Variants in KCNIP1 observed in about 807,000 individuals in gnomAD.
KCNIP1 encodes potassium voltage-gated channel interacting protein 1, also known as A-type potassium channel modulatory protein KCNIP1.
In KCNIP1, 18 loss-of-function variants were observed where a neutral mutation model predicts 33.0. The ratio of observed to expected loss-of-function variants is 0.55; its 90% CI spans 0.38 to 0.81. The LOEUF (loss-of-function observed/expected upper bound fraction) is 0.81. Among genes scored for constraint, KCNIP1 ranks in the 30% least tolerant of loss-of-function variants. The probability of loss-of-function intolerance (pLI) is 0.00; values close to 1 mark genes in which losing one functional copy is unlikely to be tolerated. For synonymous variants in KCNIP1, 93 were observed against 98.3 expected (o/e 0.95, Z 0.32); for missense variants, 238 against 271.6 (o/e 0.88, Z 0.87).
chr5:170,580,474 A>C (rs148309791), intron 1 of KCNIP1, among the ~76,000 whole-genome samples: 8 of 152,316 alleles, frequency 5.3e-5, no homozygotes, highest in Non-Finnish European at 1.2e-4. Flanking sequence ...AAGGTCATGC[A>C]GAGTTGAGGC....
chr5:170,370,226 G>A (rs761474920), intron 1 of KCNIP1, among the ~76,000 whole-genome samples: 4 of 152,118 alleles, frequency 2.6e-5, no homozygotes, highest in Non-Finnish European at 4.4e-5. Flanking sequence ...CTGAATTATC[G>A]GTTGAAGGAG....
intron 1 of KCNIP1, among the ~76,000 whole-genome samples, chr5:170,635,562 A>AC: frequency 6.6e-6 from 1 of 152,250 alleles, no homozygotes; most frequent in Non-Finnish European, 1.5e-5. Context: ...CTGTATACTA[A>AC]CCCTAGAGTT....
At chr5:170,438,773 T>C (rs530039050) in intron 1 of KCNIP1, among the ~76,000 whole-genome samples, 2 of 152,214 alleles carry the variant, frequency 1.3e-5, no homozygotes, top group East Asian at 1.9e-4. Context: ...CTTCGACATG[T>C]TTCTTCCTCC....
At chr5:170,612,668 T>C (rs770149200) in intron 1 of KCNIP1, among the ~76,000 whole-genome samples, 1 of 152,206 alleles carries the variant, frequency 6.6e-6, no homozygotes, top group East Asian at 1.9e-4. Context: ...CCCGTTGTCA[T>C]GGTGGCAGGA....
chr5:170,398,977 G>A (rs1413275160), intron 1 of KCNIP1, among the ~76,000 whole-genome samples: 4 of 152,168 alleles, frequency 2.6e-5, no homozygotes, highest in African/African-American at 7.2e-5. Flanking sequence ...AGAGGACAGC[G>A]AAAGAAGCAA....
intron 1 of KCNIP1, among the ~76,000 whole-genome samples, chr5:170,693,211 T>C (rs1762779509): frequency 1.3e-5 from 2 of 151,770 alleles, no homozygotes; most frequent in Non-Finnish European, 2.9e-5. Context: ...TCAGTGTTCT[T>C]TGTCCTCTGC....
At chr5:170,560,888 A>C (rs1581326607) in intron 1 of KCNIP1, among the ~76,000 whole-genome samples, 33 of 141,748 alleles carry the variant, frequency 2.3e-4, no homozygotes, top group South Asian at 4.8e-4. Flanking sequence ...CTCCTCTCCC[A>C]CTCCTTCCTC....
intron 1 of KCNIP1, among the ~76,000 whole-genome samples, chr5:170,537,701 G>A (rs1482769490): frequency 6.6e-6 from 1 of 152,236 alleles, no homozygotes; most frequent in African/African-American, 2.4e-5. Flanking sequence ...GAGGGTTATA[G>A]GGCATGGCTC....
intron 1 of KCNIP1, among the ~76,000 whole-genome samples, chr5:170,461,409 T>G (rs756608693): frequency 1.3e-5 from 2 of 152,126 alleles, no homozygotes; most frequent in Non-Finnish European, 2.9e-5. Flanking sequence ...GATTTCAAAC[T>G]ATACTATAAG....
At chr5:170,682,095 A>C (rs543105759) in intron 1 of KCNIP1, among the ~76,000 whole-genome samples, 3 of 152,388 alleles carry the variant, frequency 2.0e-5, no homozygotes, top group African/African-American at 7.2e-5. Flanking sequence ...CATAATAATG[A>C]AATGCATTTG....
chr5:170,402,991 C>T (rs314141), intron 1 of KCNIP1, among the ~76,000 whole-genome samples: 114,388 of 152,172 alleles, frequency 0.75, 44,162 homozygotes, highest in African/African-American at 0.94. Context: ...CCCTCGTTCA[C>T]GTACGCCTGT....
At chr5:170,505,229 C>T (rs1389328905) in intron 1 of KCNIP1, among the ~76,000 whole-genome samples, 1 of 152,144 alleles carries the variant, frequency 6.6e-6, no homozygotes, top group Non-Finnish European at 1.5e-5. Flanking sequence ...GAGCTTACAT[C>T]AAGGATTAAA....
At chr5:170,448,459 G>A (rs74764682) in intron 1 of KCNIP1, among the ~76,000 whole-genome samples, 12,190 of 152,318 alleles carry the variant, frequency 0.08, 565 homozygotes, top group Non-Finnish European at 0.096. Context: ...GGAGGCCCTG[G>A]GGGCTTGGAG....
At chr5:170,693,788 C>T (rs1490678912) in intron 1 of KCNIP1, among the ~76,000 whole-genome samples, 1 of 152,182 alleles carries the variant, frequency 6.6e-6, no homozygotes, top group African/African-American at 2.4e-5. Context: ...CTTTTTATCT[C>T]GGGCTTGGAG....
At chr5:170,574,264 C>T (rs1757519608) in intron 1 of KCNIP1, among the ~76,000 whole-genome samples, 1 of 152,192 alleles carries the variant, frequency 6.6e-6, no homozygotes, top group South Asian at 2.1e-4. Context: ...AGTTAAGTTC[C>T]TTGGGCATAT....
chr5:170,687,245 G>T (rs1451282710), intron 1 of KCNIP1, among the ~76,000 whole-genome samples: 1 of 151,188 alleles, frequency 6.6e-6, no homozygotes, highest in Admixed American at 6.6e-5. Flanking sequence ...ACAGTGGCAT[G>T]ATTTCTGCTC....
chr5:170,542,969 C>A (rs1162174290), intron 1 of KCNIP1, among the ~76,000 whole-genome samples: 1 of 152,148 alleles, frequency 6.6e-6, no homozygotes, highest in Admixed American at 6.5e-5. Flanking sequence ...GGTCAGTGCA[C>A]AAGCAAATTC....
chr5:170,364,279 T>C (rs1050435952), intron 1 of KCNIP1, among the ~76,000 whole-genome samples: 2 of 152,248 alleles, frequency 1.3e-5, no homozygotes, highest in African/African-American at 4.8e-5. Context: ...GTGCTGGGAT[T>C]CCAGGCTGCC....
intron 1 of KCNIP1, chr5:170,378,670 G>T: frequency 1.3e-6 from 2 of 1,569,656 alleles, no homozygotes; most frequent in East Asian, 2.2e-5. Context: ...AGTCCCCTGT[G>T]CCCTGACAAG....
Sources: gnomAD v4.1 joint callset for allele counts (sites outside exome capture counted in the v4.1 genomes callset) on GRCh38, gnomAD v4.1.1 for gene constraint, MANE v1.5 for transcripts, NCBI Gene and HGNC (gene_info 2026-07-23, HGNC 2026-07-21) for gene names.